RPP30: variants seen among roughly 807,000 people sequenced by gnomAD.
RPP30 encodes ribonuclease P protein subunit p30.
In RPP30, 36 loss-of-function variants were observed where a neutral mutation model predicts 38.6. The ratio of observed to expected loss-of-function variants is 0.93; its 90% confidence interval spans 0.71 to 1.23. The LOEUF is 1.23. RPP30 is among the 50% of genes most tolerant of loss of function. The probability of loss-of-function intolerance (pLI) is 0.00; values close to 1 mark genes in which losing one functional copy is unlikely to be tolerated. For synonymous variants in RPP30, 126 were observed against 112.7 expected, an observed-to-expected ratio of 1.12 and a Z score of -0.75; for missense variants, 321 against 321.7, an observed-to-expected ratio of 1.00 and a Z score of 0.02.
At chr10:90,884,922 A>G (rs547402945) in intron 5 of RPP30, among the ~76,000 whole-genome samples, 15 of 152,322 alleles carry the variant, frequency 9.8e-5, no homozygotes, top group Non-Finnish European at 2.1e-4. Context: ...TTTTTAATGT[A>G]ATACATAACA....
chr10:90,894,789 C>G lies in RPP30; in HGVS notation c.447C>G (p.Gly149=). 2 of 1,612,818 alleles carry G rather than the reference C, an allele frequency of 1.2e-6. No homozygotes were observed. Residue 149 remains glycine, a synonymous_variant, in exon 7 of 11, where the codon GGC becomes GGG. Transcript: ENST00000371703. ...TTCCTGTGAAGGCGATTGACCGAGG[C>G]CTGGCTTTTGAACTTGTCTATAGCC... The part of the protein sequence containing the change: ...RPPINVAIDR[G]LAFELVYSPA...
At chr10:90,904,137 A>G (rs946970689), downstream of RPP30, among the ~76,000 whole-genome samples, 6 of 152,248 alleles carry the variant, frequency 3.9e-5, no homozygotes, top group African/African-American at 1.2e-4. Flanking sequence ...GCTGAATATT[A>G]CAGAGTATAA....
intron 4 of RPP30, 29 bp downstream of exon 4, chr10:90,876,127 T>C (rs985369313): frequency 3.6e-6 from 5 of 1,401,402 alleles, no homozygotes; most frequent in African/African-American, 2.8e-5. Flanking sequence ...TTCTCTCCTT[T>C]TGGCTTTGTG....
At chr10:90,903,114 A>C, downstream of RPP30, 6 of 767,970 alleles carry the variant, frequency 7.8e-6, no homozygotes, top group Non-Finnish European at 1.4e-5. Flanking sequence ...TGAGAAGGAT[A>C]ACAAATTTGG....
intron 10 of RPP30, among the ~76,000 whole-genome samples, chr10:90,898,034 A>AT (rs903032589): frequency 2.0e-5 from 3 of 151,658 alleles, no homozygotes; most frequent in African/African-American, 7.3e-5. Context: ...TGTTCATTCT[A>AT]TTTTTTTTGT....
chr10:90,876,173 T>C, intron 4 of RPP30, 75 bp downstream of exon 4: 1 of 964,178 alleles, frequency 1.0e-6, no homozygotes. Flanking sequence ...TGTTGCATTT[T>C]GTCTTCCCCA....
At chr10:90,874,788 C>T in intron 1 of RPP30, 81 bp from the exon 2 acceptor site, 1 of 867,082 alleles carries the variant, frequency 1.2e-6, no homozygotes, top group Admixed American at 2.3e-5. Context: ...CTACTCTTGA[C>T]ATCTAGACTC....
chr10:90,881,819 G>T (rs1033007330), intron 5 of RPP30, among the ~76,000 whole-genome samples: 1 of 152,056 alleles, frequency 6.6e-6, no homozygotes, highest in Non-Finnish European at 1.5e-5. Context: ...TATCTCTGTA[G>T]GTATGGTATT....
At chr10:90,877,421 A>G (rs1455324292) in intron 4 of RPP30, among the ~76,000 whole-genome samples, 1 of 152,146 alleles carries the variant, frequency 6.6e-6, no homozygotes, top group African/African-American at 2.4e-5. Context: ...TCCCTGGCCA[A>G]AGTGCATTGT....
intron 5 of RPP30, among the ~76,000 whole-genome samples, chr10:90,885,318 A>G (rs973359797): frequency 1.3e-5 from 2 of 152,178 alleles, no homozygotes; most frequent in South Asian, 2.1e-4. Flanking sequence ...CTGTGTTCAT[A>G]TTTCTTTAGC....
At chr10:90,894,922 G>A (rs371340280) in intron 7 of RPP30, 31 bp downstream of exon 7, 60 of 1,424,704 alleles carry the variant, frequency 4.2e-5, no homozygotes, top group South Asian at 1.8e-4. Context: ...GATGTTTTTC[G>A]CATCTGGCAG....
intron 5 of RPP30, 46 bp from the exon 6 acceptor site, chr10:90,885,766 G>A (rs527704078): frequency 3.2e-5 from 39 of 1,230,260 alleles, no homozygotes; most frequent in Non-Finnish European, 4.4e-5. Flanking sequence ...ATTCTTACTT[G>A]TGCCAATTTT....
downstream of RPP30, among the ~76,000 whole-genome samples, chr10:90,904,766 C>T (rs1486665236): frequency 6.6e-6 from 1 of 152,012 alleles, no homozygotes; most frequent in East Asian, 1.9e-4. Context: ...GAGCTGAGAT[C>T]GCACCACTGC....
intron 6 of RPP30, among the ~76,000 whole-genome samples, chr10:90,892,854 G>A (rs1031828755): frequency 3.9e-5 from 6 of 152,308 alleles, no homozygotes; most frequent in African/African-American, 1.2e-4. Context: ...AATGAACAAC[G>A]TTATCACAGG....
At chr10:90,888,758 G>A (rs906370254) in intron 6 of RPP30, among the ~76,000 whole-genome samples, 1 of 152,118 alleles carries the variant, frequency 6.6e-6, no homozygotes, top group Non-Finnish European at 1.5e-5. Flanking sequence ...CCTTTCGTTT[G>A]ATGGGCATTT....
At chr10:90,895,548 G>A in intron 8 of RPP30, 65 bp downstream of exon 8, 1 of 935,284 alleles carries the variant, frequency 1.1e-6, no homozygotes, top group Non-Finnish European at 1.5e-6. Flanking sequence ...GTTTCTAGGG[G>A]ATAAATTAAA....
rs1847203925 is a variant in RPP30, at chr10:90,901,601, A to G, written c.*922A>G. 4.1e-6 allele frequency: 4 copies of G among 985,028 alleles called. No homozygotes were observed. In the South Asian group the frequency reaches 1.9e-4, roughly 46 times the overall value. 61.0% of individuals were successfully genotyped at this position (985,028 alleles called of 1,614,324 possible). On this transcript the variant is annotated 3_prime_UTR_variant, in exon 11 of 11. Coordinates refer to ENST00000371703, the MANE Select transcript of RPP30 (RefSeq NM_006413.5). ...TAATATTGATTTTCCTGATAGCTGT[A>G]TTAAAAATAGCAAAGCATCGGACTG...
chr10:90,885,359 C>T (rs1356744601), intron 5 of RPP30, among the ~76,000 whole-genome samples: 1 of 152,150 alleles, frequency 6.6e-6, no homozygotes, highest in Non-Finnish European at 1.5e-5. Context: ...AGCCACAGCC[C>T]TGGGACAATT....
At chr10:90,891,729 A>C (rs1847084174) in intron 6 of RPP30, among the ~76,000 whole-genome samples, 1 of 152,254 alleles carries the variant, frequency 6.6e-6, no homozygotes, top group African/African-American at 2.4e-5. Flanking sequence ...ATAGGAAAGA[A>C]AAATAGTATC....
Sources: gnomAD v4.1 joint callset for allele counts (sites outside exome capture counted in the v4.1 genomes callset) on GRCh38, gnomAD v4.1.1 for gene constraint, MANE v1.5 for transcripts, NCBI Gene and HGNC (gene_info 2026-07-23, HGNC 2026-07-21) for gene names.